Variants in PAK2 observed in about 807,000 individuals in gnomAD.
PAK2 encodes the protein serine/threonine-protein kinase PAK 2.
Under a neutral mutation model 65.9 loss-of-function variants are expected in PAK2, and 21 were observed. The ratio of observed to expected loss-of-function variants is 0.32; its 90% CI spans 0.23 to 0.46. PAK2 has a LOEUF of 0.46. Among genes scored for constraint, PAK2 ranks in the 20% least tolerant of loss-of-function variants. The probability of loss-of-function intolerance (pLI) is 1.00; values close to 1 mark genes in which losing one functional copy is unlikely to be tolerated. For synonymous variants in PAK2, 204 were observed against 219.7 expected, an observed-to-expected ratio of 0.93 and a Z score of 0.63; for missense variants, 324 against 642.6, an observed-to-expected ratio of 0.50 and a Z score of 5.36.
chr3:196,769,583 G>A (rs920152486), intron 1 of PAK2, among the ~76,000 whole-genome samples: 8 of 151,696 alleles, frequency 5.3e-5, no homozygotes, highest in South Asian at 4.1e-4. Flanking sequence ...AGGCCAAGGC[G>A]GGCGGATCAC....
intron 1 of PAK2, among the ~76,000 whole-genome samples, chr3:196,778,717 C>CA (rs1714614773): frequency 1.3e-5 from 2 of 152,196 alleles, no homozygotes; most frequent in Admixed American, 6.5e-5. Flanking sequence ...TCCAGGGTGT[C>CA]ACGTTGCGTT....
In PAK2 at chr3:196,831,554, G is replaced by GA. The variant is rs1389579599; in HGVS notation, c.*3149_*3150insA. On this transcript the variant is annotated 3_prime_UTR_variant, in exon 15 of 15. Transcript: ENST00000327134. ...CTTTAACATAGAAGTGTCCAGCTGC[G>GA]TACAGTCTAGTAACCAGCAACTGTA... 1 of 152,126 alleles carries GA rather than the reference G, an allele frequency of 6.6e-6. No individual in the cohort carries two copies. The highest frequency in any genetic ancestry group is 1.9e-4 in the East Asian group (1 of 5,200). 9.4% of individuals were successfully genotyped at this position (152,126 alleles called of 1,614,324 possible).
chr3:196,769,121 G>A (rs980777305), intron 1 of PAK2, among the ~76,000 whole-genome samples: 1 of 152,000 alleles, frequency 6.6e-6, no homozygotes, highest in Non-Finnish European at 1.5e-5. Flanking sequence ...GAGCCCAGGA[G>A]TTCAAGACCA....
chr3:196,817,982 G>A (rs1577747487), intron 11 of PAK2, 75 bp from the exon 12 acceptor site: 1 of 670,742 alleles, frequency 1.5e-6, no homozygotes, highest in Non-Finnish European at 2.8e-6. Context: ...CAATGCTCAG[G>A]CCATAGCTAC....
chr3:196,778,513 A>G lies in PAK2; in HGVS notation c.-21-4113A>G, dbSNP rs189723364. Among the ~76,000 whole-genome samples, 155 of 152,292 alleles carry G rather than the reference A, an allele frequency of 1.0e-3. 1 individual carries two copies. Among genetic ancestry groups the G allele is most frequent in the Non-Finnish European group, 2.0e-3 (136 of 68,032 alleles). On this transcript the variant is annotated intron_variant, in intron 1 of 14. Coordinates refer to ENST00000327134, the MANE Select transcript of PAK2 (RefSeq NM_002577.4). ...TTAGGGGATAATTTTAGATTTACAG[A>G]TGAATTGCACAGATAGTAGATTTCC...
At chr3:196,765,186 C>A (rs2108724710) in intron 1 of PAK2, among the ~76,000 whole-genome samples, 1 of 137,790 alleles carries the variant, frequency 7.3e-6, no homozygotes, top group South Asian at 2.5e-4. Flanking sequence ...CTCGCTCTGT[C>A]ACCCAGACTG....
At chr3:196,804,436 CAT>C (rs1199664393) in intron 4 of PAK2, among the ~76,000 whole-genome samples, 1 of 151,690 alleles carries the variant, frequency 6.6e-6, no homozygotes, top group Non-Finnish European at 1.5e-5. Flanking sequence ...CACATACATA[CAT>C]ATATGTGTGT....
chr3:196,757,522 T>G (rs1713809414), intron 1 of PAK2, among the ~76,000 whole-genome samples: 1 of 152,274 alleles, frequency 6.6e-6, no homozygotes, highest in South Asian at 2.1e-4. Context: ...CTTCTTTTCT[T>G]TTAGACCTTA....
chr3:196,754,966 T>C lies in PAK2; in HGVS notation c.-22+14809T>C, dbSNP rs115913013. On this transcript the variant is annotated intron_variant, in intron 1 of 14. Transcript: ENST00000327134. ...ATGGCTAGTAGGGAGAGACAAGATA[T>C]CTTCATAGTTCTTTTAGGCAGATGA... Among the ~76,000 whole-genome samples the C allele has an allele frequency of 8.9e-3, 1,351 of 152,304 alleles. 25 individuals are homozygous for C. Among genetic ancestry groups the C allele is most frequent in the African/African-American group, 0.03 (1,234 of 41,528 alleles).
chr3:196,769,509 C>G (rs1439194556), intron 1 of PAK2, among the ~76,000 whole-genome samples: 1 of 151,762 alleles, frequency 6.6e-6, no homozygotes, highest in Non-Finnish European at 1.5e-5. Flanking sequence ...TTCATCATCC[C>G]AAGCAGCAAT....
chr3:196,742,455 C>A (rs1713232008), intron 1 of PAK2, among the ~76,000 whole-genome samples: 2 of 152,236 alleles, frequency 1.3e-5, no homozygotes, highest in African/African-American at 2.4e-5. Flanking sequence ...GATAAACTTT[C>A]AATTATACTT....
intron 1 of PAK2, among the ~76,000 whole-genome samples, chr3:196,741,085 G>T (rs185401766): frequency 1.3e-5 from 2 of 152,154 alleles, no homozygotes; most frequent in African/African-American, 4.8e-5. Context: ...TACAGGCGAT[G>T]TGTCCTTTCT....
intron 12 of PAK2, among the ~76,000 whole-genome samples, chr3:196,818,743 A>G (rs947428417): frequency 6.6e-6 from 1 of 152,112 alleles, no homozygotes; most frequent in African/African-American, 2.4e-5. Context: ...AATGAATTAA[A>G]CTTTTGGATG....
At position 196,806,670 on chromosome 3, in the gene PAK2, C is replaced by T. The variant is rs1239906781; in HGVS notation, c.560C>T (p.Pro187Leu). ...ETAPPVIAPR[P>L]DHTKSIYTRS... ...GCTCCTCCCGTTATTGCCCCGCGAC[C>T]GGATCATACGAAATCAGTGAGTCTC... The change falls in exon 6 of 15, where the codon CCG (proline) becomes CTG (leucine). Residue 187 changes from proline to leucine, a missense_variant. By Grantham distance (98) the Pro-to-Leu change is moderately conservative. This residue lies in a region of PAK2 where 183 missense variants were observed against 246.2 expected (regional missense o/e 0.74). Coordinates refer to ENST00000327134, the MANE Select transcript of PAK2 (RefSeq NM_002577.4). The T allele has an allele frequency of 4.4e-6, 7 of 1,600,996 alleles. No individual in the cohort carries two copies. The highest frequency in any genetic ancestry group is 4.3e-6 in the Non-Finnish European group (5 of 1,168,242).
intron 4 of PAK2, among the ~76,000 whole-genome samples, chr3:196,804,154 G>A (rs1233598412): frequency 6.6e-6 from 1 of 152,160 alleles, no homozygotes; most frequent in Non-Finnish European, 1.5e-5. Context: ...GTTTTCAAAA[G>A]CAATATGATG....
chr3:196,769,744 G>A (rs1714302080), intron 1 of PAK2, among the ~76,000 whole-genome samples: 1 of 151,952 alleles, frequency 6.6e-6, no homozygotes, highest in Non-Finnish European at 1.5e-5. Context: ...TTGAACCTGG[G>A]AGGCAGGGCT....
At chr3:196,780,532 C>G (rs1476916024) in intron 1 of PAK2, among the ~76,000 whole-genome samples, 1 of 152,324 alleles carries the variant, frequency 6.6e-6, no homozygotes, top group South Asian at 2.1e-4. Context: ...GACTTGCCCT[C>G]ATAATTCATT....
intron 13 of PAK2, among the ~76,000 whole-genome samples, chr3:196,821,429 C>T (rs1043275862): frequency 2.5e-4 from 38 of 152,096 alleles, no homozygotes; most frequent in African/African-American, 8.2e-4. Context: ...TGACCGGGTG[C>T]GGTGGCTTAC....
intron 1 of PAK2, among the ~76,000 whole-genome samples, chr3:196,759,498 G>GTTTTGTTTTTTTTTT (rs1713882055): frequency 9.2e-6 from 1 of 108,162 alleles, no homozygotes; most frequent in Admixed American, 1.1e-4. Context: ...GGTTTTTTTT[G>GTTTTGTTTTTTTTTT]TTTTTTTTTT....
Sources: allele counts gnomAD v4.1 joint callset (sites outside exome capture counted in the v4.1 genomes callset), GRCh38; gene constraint gnomAD v4.1.1; regional missense constraint gnomAD v4.1.1; transcripts MANE v1.5; gene names NCBI Gene and HGNC (gene_info 2026-07-23, HGNC 2026-07-21).